ANKS1B: variants seen among roughly 807,000 people sequenced by gnomAD.
ANKS1B encodes the protein ankyrin repeat and sterile alpha motif domain containing 1B.
A neutral mutation model predicts 148.3 loss-of-function variants in ANKS1B; 36 were observed. The ratio of observed to expected loss-of-function variants is 0.24; its 90% CI spans 0.19 to 0.32. The LOEUF (loss-of-function observed/expected upper bound fraction) is 0.32, where lower values mean the gene tolerates loss of function less well. Ranked by LOEUF, ANKS1B falls within the 10% of genes least tolerant of loss-of-function variation. The pLI, the probability that ANKS1B is intolerant of heterozygous loss-of-function variation, is 1.00. For synonymous variants in ANKS1B, 542 were observed against 560.8 expected, an observed-to-expected ratio of 0.97 and a Z score of 0.47; for missense variants, 1,157 against 1,542.6, an observed-to-expected ratio of 0.75 and a Z score of 4.19.
chr12:99,160,762 G>T (rs2076581104), intron 14 of ANKS1B, among the ~76,000 whole-genome samples: 1 of 152,130 alleles, frequency 6.6e-6, no homozygotes, highest in Non-Finnish European at 1.5e-5. Flanking sequence ...CATATCGCAA[G>T]CCAGCTATCC....
intron 1 of ANKS1B, among the ~76,000 whole-genome samples, chr12:99,858,315 G>A (rs750919101): frequency 6.6e-6 from 1 of 152,034 alleles, no homozygotes; most frequent in African/African-American, 2.4e-5. Context: ...CCAGAGAAAT[G>A]CAAATCAATA....
chr12:99,449,165 T>C (rs2095685910), intron 10 of ANKS1B, among the ~76,000 whole-genome samples: 1 of 152,158 alleles, frequency 6.6e-6, no homozygotes, highest in African/African-American at 2.4e-5. Context: ...AAAAACATTT[T>C]CAAGCTTACT....
intron 9 of ANKS1B, among the ~76,000 whole-genome samples, chr12:99,565,796 C>T (rs2097385256): frequency 1.3e-5 from 2 of 152,252 alleles, no homozygotes; most frequent in African/African-American, 4.8e-5. Context: ...ATAAATTTCT[C>T]AAGAACTTTG....
At chr12:99,457,197 A>G (rs757104952) in intron 10 of ANKS1B, among the ~76,000 whole-genome samples, 49 of 152,162 alleles carry the variant, frequency 3.2e-4, no homozygotes, top group Non-Finnish European at 5.6e-4. Flanking sequence ...TTTTTCAGAA[A>G]AATAAACGCT....
At chr12:99,181,403 C>T (rs2079093544) in intron 14 of ANKS1B, among the ~76,000 whole-genome samples, 1 of 152,094 alleles carries the variant, frequency 6.6e-6, no homozygotes, top group Non-Finnish European at 1.5e-5. Context: ...TTCATTTGGA[C>T]AATGATCAAA....
chr12:99,063,884 G>A (rs1302768203), intron 16 of ANKS1B, among the ~76,000 whole-genome samples: 1 of 152,202 alleles, frequency 6.6e-6, no homozygotes, highest in Non-Finnish European at 1.5e-5. Context: ...AGGTATACAT[G>A]TACAAATACG....
chr12:99,354,443 C>G (rs1027328033), intron 12 of ANKS1B, among the ~76,000 whole-genome samples: 1 of 151,918 alleles, frequency 6.6e-6, no homozygotes, highest in South Asian at 2.1e-4. Flanking sequence ...TTTGTTTGTA[C>G]GTGATGTTGT....
chr12:99,514,689 A>G (rs2096798287), intron 9 of ANKS1B, among the ~76,000 whole-genome samples: 1 of 152,120 alleles, frequency 6.6e-6, no homozygotes, highest in Non-Finnish European at 1.5e-5. Context: ...AAAGATAAAA[A>G]TGACTATGAC....
intron 9 of ANKS1B, among the ~76,000 whole-genome samples, chr12:99,609,494 A>C (rs2097881191): frequency 6.6e-6 from 1 of 151,836 alleles, no homozygotes. Context: ...CCACAGGACC[A>C]AGCAATGATG....
intron 1 of ANKS1B, among the ~76,000 whole-genome samples, chr12:99,924,993 A>G (rs1341420247): frequency 6.6e-6 from 1 of 152,144 alleles, no homozygotes; most frequent in Non-Finnish European, 1.5e-5. Flanking sequence ...GATTCACTCC[A>G]TGAGAACACA....
At chr12:99,915,027 A>C (rs2094128198) in intron 1 of ANKS1B, among the ~76,000 whole-genome samples, 1 of 152,046 alleles carries the variant, frequency 6.6e-6, no homozygotes, top group Non-Finnish European at 1.5e-5. Flanking sequence ...GGAGTTCAAG[A>C]CCAACTTGAC....
At chr12:99,137,125 A>T (rs2068369231) in intron 15 of ANKS1B, among the ~76,000 whole-genome samples, 1 of 152,218 alleles carries the variant, frequency 6.6e-6, no homozygotes, top group Non-Finnish European at 1.5e-5. Flanking sequence ...AATTTTTAGC[A>T]TCTAGACTTC....
intron 1 of ANKS1B, among the ~76,000 whole-genome samples, chr12:99,880,926 A>G (rs2092440691): frequency 1.3e-5 from 2 of 152,250 alleles, no homozygotes. Context: ...ACCCTTAGCC[A>G]GAATTTAACA....
At chr12:99,912,164 G>A (rs556531392) in intron 1 of ANKS1B, among the ~76,000 whole-genome samples, 1 of 152,274 alleles carries the variant, frequency 6.6e-6, no homozygotes, top group African/African-American at 2.4e-5. Flanking sequence ...TTATTAAAGT[G>A]GAGAGTCCCT....
In ANKS1B at chr12:99,899,864, G is replaced by A. The variant is rs569678541; in HGVS notation, c.135-74475C>T. ...CAGTCTTAAAATGTTTCCAGGATATGGATTGGCAAACCAAAGTACTGTAAA... is the reference window on the plus strand; with the variant it reads ...CAGTCTTAAAATGTTTCCAGGATATAGATTGGCAAACCAAAGTACTGTAAA... On this transcript the variant is annotated intron_variant, in intron 1 of 26. Coordinates refer to ENST00000683438, the MANE Select transcript of ANKS1B (RefSeq NM_001352186.2). Among the ~76,000 whole-genome samples the A allele has an allele frequency of 2.6e-5, 4 of 151,846 alleles. No individual in the cohort carries two copies. In the East Asian group the frequency reaches 7.8e-4, roughly 30 times the overall value.
At chr12:99,835,714 T>C (rs998942699) in intron 1 of ANKS1B, among the ~76,000 whole-genome samples, 1 of 152,188 alleles carries the variant, frequency 6.6e-6, no homozygotes, top group Non-Finnish European at 1.5e-5. Flanking sequence ...GTGGCTACTA[T>C]ATTGCACAGC....
At chr12:99,210,606 T>G (rs1311958799) in intron 14 of ANKS1B, among the ~76,000 whole-genome samples, 1 of 152,230 alleles carries the variant, frequency 6.6e-6, no homozygotes, top group African/African-American at 2.4e-5. Flanking sequence ...TAGACTCACA[T>G]GTTTTTACTC....
intron 3 of ANKS1B, among the ~76,000 whole-genome samples, chr12:99,810,187 G>A (rs1276693694): frequency 6.6e-6 from 1 of 151,952 alleles, no homozygotes; most frequent in Non-Finnish European, 1.5e-5. Flanking sequence ...GTTTTACAGA[G>A]CATGATTTCT....
At chr12:99,532,049 T>A (rs1474508672) in intron 9 of ANKS1B, among the ~76,000 whole-genome samples, 1 of 152,182 alleles carries the variant, frequency 6.6e-6, no homozygotes, top group Non-Finnish European at 1.5e-5. Flanking sequence ...GATTGTTTTT[T>A]TTTTTCTTGC....
Sources: allele counts gnomAD v4.1 joint callset (sites outside exome capture counted in the v4.1 genomes callset), GRCh38; gene constraint gnomAD v4.1.1; transcripts MANE v1.5; gene names NCBI Gene and HGNC (gene_info 2026-07-23, HGNC 2026-07-21).